Variants in VWA8 observed in about 807,000 individuals in gnomAD.
VWA8 encodes von Willebrand factor A domain containing 8.
A neutral mutation model predicts 241.5 loss-of-function variants in VWA8; 221 were observed. The observed-to-expected ratio is 0.91, with a 90% CI of 0.82 to 1.02. The LOEUF is 1.02. Ranked by LOEUF, VWA8 falls within the 50% of genes least tolerant of loss-of-function variation. The pLI is 0.00. For missense variants in VWA8, 2,322 were observed against 2,328.7 expected, an observed-to-expected ratio of 1.00 and a Z score of 0.06; for synonymous variants, 852 against 827.1, an observed-to-expected ratio of 1.03 and a Z score of -0.52.
intron 27 of VWA8, 79 bp from the exon 28 acceptor site, chr13:41,701,609 T>C: frequency 2.2e-6 from 3 of 1,343,430 alleles, no homozygotes; most frequent in South Asian, 1.8e-5. Context: ...TTCCAAAATA[T>C]AAACTTTAAC....
At chr13:41,755,494 ATT>A (rs1290160625) in intron 21 of VWA8, among the ~76,000 whole-genome samples, 2 of 151,944 alleles carry the variant, frequency 1.3e-5, no homozygotes, top group African/African-American at 4.8e-5. Flanking sequence ...TAGCTTTGAA[ATT>A]TTTATTATAT....
chr13:41,686,142 C>T (rs2045134755), intron 34 of VWA8, among the ~76,000 whole-genome samples: 1 of 152,138 alleles, frequency 6.6e-6, no homozygotes, highest in African/African-American at 2.4e-5. Flanking sequence ...TTTCTGGGCA[C>T]TGCATTTTGT....
intron 37 of VWA8, among the ~76,000 whole-genome samples, chr13:41,651,407 T>C (rs944491978): frequency 1.3e-5 from 2 of 152,260 alleles, no homozygotes; most frequent in African/African-American, 4.8e-5. Context: ...GAGAATATAA[T>C]AGTGTAGAAA....
At chr13:41,806,007 A>AAT (rs966223479) in intron 17 of VWA8, among the ~76,000 whole-genome samples, 4 of 151,490 alleles carry the variant, frequency 2.6e-5, no homozygotes, top group Admixed American at 2.0e-4. Context: ...AAAATAAAAA[A>AAT]AAAAAAAAAA....
chr13:41,879,130 A>G (rs1293087431), intron 9 of VWA8, among the ~76,000 whole-genome samples: 2 of 152,110 alleles, frequency 1.3e-5, no homozygotes, highest in Non-Finnish European at 2.9e-5. Context: ...TACTTCGATG[A>G]CCAATGGCCA....
intron 17 of VWA8, among the ~76,000 whole-genome samples, chr13:41,796,524 C>G (rs1869708817): frequency 6.6e-6 from 1 of 150,920 alleles, no homozygotes; most frequent in African/African-American, 2.4e-5. Context: ...AATTAAATTA[C>G]TTATTTGTTC....
In VWA8 at chr13:41,960,962, G is replaced by A. The variant is rs775484522; in HGVS notation, c.54C>T (p.Ala18=). The change falls in exon 1 of 45, where the codon GCC becomes GCT. Residue 18 remains alanine (A), a synonymous_variant. Coordinates refer to ENST00000379310, the MANE Select transcript of VWA8 (RefSeq NM_015058.2). The stretch of plus-strand genomic sequence containing the variant: ...GCAGGAGCAGCCGCATGCGCCGCGA[G>A]GCCGGGCCGCCGTGGCCTCCGGGTG... ...LGAPGGHGGP[A]SRRMRLLLRQ... is the part of the protein sequence containing the mutation. 60 of 1,448,998 alleles carry A rather than the reference G, an allele frequency of 4.1e-5. No individual in the cohort carries two copies. The African/African-American group carries it at 8.0e-4, about 19-fold the overall frequency. The allele number at this position is 1,448,998 out of a possible 1,614,324, so 89.8% of individuals were successfully genotyped here. A position where few individuals can be genotyped will look rare whatever the true frequency, so the allele number is the denominator to read the frequency against.
At chr13:41,855,815 CT>C in intron 12 of VWA8, among the ~76,000 whole-genome samples, 1 of 152,264 alleles carries the variant, frequency 6.6e-6, no homozygotes, top group Admixed American at 6.5e-5. Flanking sequence ...GTAAACGTGA[CT>C]TTAAAAACCC....
chr13:41,587,432 C>T, intron 42 of VWA8, 80 bp downstream of exon 42: 2 of 1,559,148 alleles, frequency 1.3e-6, no homozygotes, highest in Admixed American at 1.7e-5. Flanking sequence ...GATTTTCATT[C>T]ACTCTGGATG....
chr13:41,799,116 CT>C (rs137924355), intron 17 of VWA8, among the ~76,000 whole-genome samples: 2,261 of 152,088 alleles, frequency 0.015, 52 homozygotes, highest in African/African-American at 0.052. Flanking sequence ...TCAAATTGTT[CT>C]ATTATTTTTA....
chr13:41,811,213 G>A lies in VWA8; in HGVS notation c.2063+12C>T, dbSNP rs896053550. ...CCAGAAACTTACACGCAGTGAGAAAGAATATGTTTACCTGGAAAGGCAGGC... is the reference window on the plus strand; with the variant it reads ...CCAGAAACTTACACGCAGTGAGAAAAAATATGTTTACCTGGAAAGGCAGGC... On this transcript the variant is annotated intron_variant, in intron 17 of 44. Coordinates refer to ENST00000379310, the MANE Select transcript of VWA8 (RefSeq NM_015058.2). 6.3e-7 allele frequency: 1 copy of A among 1,592,736 alleles called. No homozygotes were observed. Among genetic ancestry groups the A allele is most frequent in the Non-Finnish European group, 8.6e-7 (1 of 1,162,636 alleles).
intron 2 of VWA8, among the ~76,000 whole-genome samples, chr13:41,947,858 G>A (rs1877920366): frequency 6.7e-6 from 1 of 149,876 alleles, no homozygotes; most frequent in Non-Finnish European, 1.5e-5. Context: ...GTTGAACCTG[G>A]GAGGGGGAGG....
intron 21 of VWA8, among the ~76,000 whole-genome samples, chr13:41,752,937 T>C (rs1190560642): frequency 6.6e-6 from 1 of 152,134 alleles, no homozygotes; most frequent in Non-Finnish European, 1.5e-5. Flanking sequence ...CAAATTCAAT[T>C]CTGTGGAGTG....
chr13:41,796,592 G>T (rs1485005560), intron 17 of VWA8, among the ~76,000 whole-genome samples: 2 of 151,762 alleles, frequency 1.3e-5, no homozygotes, highest in Non-Finnish European at 2.9e-5. Context: ...TATTTTCAAA[G>T]AACTACCTTT....
chr13:41,603,524 T>G (rs2044535151), intron 40 of VWA8, among the ~76,000 whole-genome samples: 1 of 152,190 alleles, frequency 6.6e-6, no homozygotes, highest in Non-Finnish European at 1.5e-5. Context: ...ATCTGATACC[T>G]TCAATTAAAA....
chr13:41,875,827 T>G (rs1315214083), intron 9 of VWA8, among the ~76,000 whole-genome samples: 1 of 152,052 alleles, frequency 6.6e-6, no homozygotes, highest in Non-Finnish European at 1.5e-5. Context: ...CTCTCTCCAG[T>G]ACAGATCTCT....
Position 41,611,469 on chromosome 13 carries a change from T to C in VWA8, c.4877+107A>G, listed in dbSNP as rs1005450006. 2.8e-6 allele frequency: 4 copies of C among 1,430,072 alleles called. No individual in the cohort carries two copies. In the African/African-American group the frequency reaches 4.2e-5, roughly 15 times the overall value. The allele number at this position is 1,430,072 out of a possible 1,614,324, so 88.6% of individuals were successfully genotyped here. A position where few individuals can be genotyped will look rare whatever the true frequency, so the allele number is the denominator to read the frequency against. ...GATTTCAGTTTGAGGTCCGAGTTGC[T>C]GCATGAGGTGGAGGTGGAAACACAC... On this transcript the variant is annotated intron_variant, in intron 39 of 44. Transcript: ENST00000379310.
chr13:41,692,414 G>C (rs1215435904), intron 30 of VWA8, among the ~76,000 whole-genome samples: 1 of 151,700 alleles, frequency 6.6e-6, no homozygotes, highest in Non-Finnish European at 1.5e-5. Flanking sequence ...TCTTGTGTTG[G>C]CCTAAACTAT....
chr13:41,725,603 G>A (rs533913373), intron 24 of VWA8, among the ~76,000 whole-genome samples: 11 of 152,290 alleles, frequency 7.2e-5, no homozygotes, highest in African/African-American at 2.2e-4. Context: ...AGATCAATAA[G>A]AAGTGACAAG....
Sources: gnomAD v4.1 joint callset for allele counts (sites outside exome capture counted in the v4.1 genomes callset) on GRCh38, gnomAD v4.1.1 for gene constraint, MANE v1.5 for transcripts, NCBI Gene and HGNC (gene_info 2026-07-23, HGNC 2026-07-21) for gene names.